Variants in TRANK1 observed in about 807,000 individuals in gnomAD.
TRANK1 encodes the protein tetratricopeptide repeat and ankyrin repeat containing 1, also known as TPR and ankyrin repeat-containing protein 1.
In TRANK1, 198 loss-of-function variants were observed where a neutral mutation model predicts 266.0. The observed-to-expected ratio is 0.74, with a 90% CI of 0.66 to 0.84. TRANK1 has a LOEUF of 0.84. Ranked by LOEUF, TRANK1 falls within the 40% of genes least tolerant of loss-of-function variation. The probability of loss-of-function intolerance (pLI) is 0.00; values close to 1 mark genes in which losing one functional copy is unlikely to be tolerated. For synonymous variants in TRANK1, 1,396 were observed against 1,384.1 expected, an observed-to-expected ratio of 1.01 and a Z score of -0.19; for missense variants, 3,326 against 3,634.6, an observed-to-expected ratio of 0.92 and a Z score of 2.18.
chr3:36,860,815 C>A, intron 11 of TRANK1, 91 bp downstream of exon 11: 12 of 1,488,410 alleles, frequency 8.1e-6, no homozygotes, highest in Non-Finnish European at 8.9e-6. Context: ...ATGGTGCCTC[C>A]AAAAGCAAGG....
chr3:36,849,919 G>T, intron 15 of TRANK1: 1 of 580,640 alleles, frequency 1.7e-6, no homozygotes, highest in Non-Finnish European at 2.2e-6. Context: ...AAAAGATTCT[G>T]TTTGGGATTG....
At chr3:36,904,748 G>T (rs1204823323) in intron 2 of TRANK1, among the ~76,000 whole-genome samples, 1 of 152,114 alleles carries the variant, frequency 6.6e-6, no homozygotes, top group African/African-American at 2.4e-5. Context: ...AGGCAGTGGG[G>T]TCAGGCAGTG....
intron 14 of TRANK1, 30 bp from the exon 15 acceptor site, chr3:36,851,886 T>C (rs1475773039): frequency 6.4e-7 from 1 of 1,564,312 alleles, no homozygotes; most frequent in East Asian, 2.3e-5. Flanking sequence ...CATCAAATTC[T>C]ACAGAGAAAA....
At chr3:36,944,363 T>C (rs901293619) in intron 1 of TRANK1, among the ~76,000 whole-genome samples, 1 of 152,136 alleles carries the variant, frequency 6.6e-6, no homozygotes, top group Non-Finnish European at 1.5e-5. Flanking sequence ...ACGGTTCCCT[T>C]GCACCGCTGT....
At chr3:36,908,578 CACAT>C in intron 1 of TRANK1, 124 bp from the exon 2 acceptor site, 1 of 1,230,776 alleles carries the variant, frequency 8.1e-7, no homozygotes, top group Non-Finnish European at 1.0e-6. Context: ...CTTCAAAGGG[CACAT>C]CTTGGCAACA....
intron 7 of TRANK1, among the ~76,000 whole-genome samples, chr3:36,891,310 C>T (rs2079691863): frequency 6.6e-6 from 1 of 152,098 alleles, no homozygotes; most frequent in Non-Finnish European, 1.5e-5. Context: ...ACTGCACTCC[C>T]CCAGCCTGGG....
chr3:36,838,261 C>T (rs1175225713), intron 20 of TRANK1, 111 bp downstream of exon 20: 64 of 1,487,990 alleles, frequency 4.3e-5, no homozygotes, highest in Non-Finnish European at 5.2e-5. Context: ...GTGTCTCCCT[C>T]CTTGGAAGAC....
chr3:36,903,549 G>A (rs748913954), intron 2 of TRANK1, among the ~76,000 whole-genome samples: 5 of 152,234 alleles, frequency 3.3e-5, no homozygotes, highest in East Asian at 3.8e-4. Flanking sequence ...TGATCTCCAC[G>A]CATAATCATT....
chr3:36,851,763 C>T lies in TRANK1; in HGVS notation c.4843G>A (p.Glu1615Lys). The change falls in exon 15 of 24, where the codon GAA becomes AAA. Residue 1615 changes from glutamate to lysine, a missense_variant. Physicochemically the swap from Glu to Lys is moderately conservative, Grantham distance 56. Coordinates refer to ENST00000645898, the MANE Select transcript of TRANK1 (RefSeq NM_001329998.2). ...TTGTAAAGGAGGACATCATCAAATT[C>T]TAAGCCTTTTGCTTCATAAATTGTT... ...VLTIYEAKGLEFDDVLLYNFF... is the reference protein window; with the variant it reads ...VLTIYEAKGLKFDDVLLYNFF... The T allele has an allele frequency of 6.2e-7, 1 of 1,613,402 alleles. No homozygotes were observed. The highest frequency in any genetic ancestry group is 8.5e-7 in the Non-Finnish European group (1 of 1,179,668).
chr3:36,926,393 T>C (rs2080288654), intron 1 of TRANK1, among the ~76,000 whole-genome samples: 1 of 152,180 alleles, frequency 6.6e-6, no homozygotes, highest in African/African-American at 2.4e-5. Context: ...TCCCATGATC[T>C]ACAGAAGAAA....
intron 7 of TRANK1, among the ~76,000 whole-genome samples, chr3:36,890,533 C>T (rs1444987965): frequency 6.6e-6 from 1 of 152,166 alleles, no homozygotes; most frequent in East Asian, 1.9e-4. Flanking sequence ...CAACTCTCTG[C>T]CCAAGGGGCC....
rs928367854 is a variant in TRANK1 at position 36,856,860 on chromosome 3, G to A, written c.2862C>T (p.Ser954=). The A allele has an allele frequency of 6.2e-7, 1 of 1,614,036 alleles. No individual in the cohort carries two copies. The highest frequency in any genetic ancestry group is 8.5e-7 in the Non-Finnish European group (1 of 1,179,894). ...TGTAGGCATTGCAGATGGCCTTGAT[G>A]GAATCAGCCAGTTTGCAGTGATCTA... The part of the protein sequence containing the change: ...IVLDHCKLAD[S]IKAICNAYNR... Residue 954 remains serine, a synonymous_variant, in exon 13 of 24, where the codon TCC becomes TCT. Transcript: ENST00000645898.
intron 20 of TRANK1, 21 bp from the exon 21 acceptor site, chr3:36,834,928 C>A (rs1473361191): frequency 2.5e-6 from 4 of 1,586,796 alleles, no homozygotes; most frequent in Non-Finnish European, 3.4e-6. Flanking sequence ...GTAAATTTTA[C>A]TTTTATTTAG....
At chr3:36,850,855 T>G (rs2125534838) in intron 15 of TRANK1, 1 of 985,448 alleles carries the variant, frequency 1.0e-6, no homozygotes, top group African/African-American at 1.7e-5. Flanking sequence ...AACAGTGCTC[T>G]TGACTTGGGT....
intron 1 of TRANK1, among the ~76,000 whole-genome samples, chr3:36,917,353 GA>G (rs1371241451): frequency 1.5e-4 from 23 of 151,926 alleles, no homozygotes; most frequent in Admixed American, 1.0e-3. Flanking sequence ...CATGAAATGG[GA>G]AAAAAGAAAT....
intron 13 of TRANK1, 44 bp downstream of exon 13, chr3:36,855,129 G>A (rs1386351094): frequency 1.9e-6 from 3 of 1,538,696 alleles, no homozygotes; most frequent in Non-Finnish European, 2.7e-6. Context: ...CCCAAAGTCT[G>A]TGCCTAAGCA....
At chr3:36,834,577 A>G in intron 21 of TRANK1, 185 bp downstream of exon 21, 1 of 582,780 alleles carries the variant, frequency 1.7e-6, no homozygotes, top group Non-Finnish European at 2.9e-6. Flanking sequence ...TTATAAAGAG[A>G]CTGGAAAATA....
intron 9 of TRANK1, among the ~76,000 whole-genome samples, chr3:36,873,080 G>T (rs2079333272): frequency 6.6e-6 from 1 of 152,172 alleles, no homozygotes; most frequent in Non-Finnish European, 1.5e-5. Context: ...TACCAGAAAA[G>T]ACTGCCATTA....
chr3:36,877,209 A>G (rs1050368928), intron 8 of TRANK1, among the ~76,000 whole-genome samples: 3 of 152,244 alleles, frequency 2.0e-5, no homozygotes, highest in African/African-American at 7.2e-5. Flanking sequence ...ATCCAAATGC[A>G]TACCAATAAG....
Sources: allele counts gnomAD v4.1 joint callset (sites outside exome capture counted in the v4.1 genomes callset), GRCh38; gene constraint gnomAD v4.1.1; transcripts MANE v1.5; gene names NCBI Gene and HGNC (gene_info 2026-07-23, HGNC 2026-07-21).